The following FMO5 variants were observed in gnomAD, a reference collection of about 807,000 sequenced individuals.
FMO5 encodes the protein flavin-containing monooxygenase 5.
In FMO5, 51 loss-of-function variants were observed where a neutral mutation model predicts 43.6. That is an observed-to-expected ratio of 1.17 (90% CI 0.93 to 1.48). The LOEUF (loss-of-function observed/expected upper bound fraction) is 1.48. Ranked by LOEUF, FMO5 falls within the 40% of genes most tolerant of loss-of-function variation. The pLI is 0.00. For missense variants in FMO5, 644 were observed against 643.0 expected (o/e 1.00, Z -0.02); for synonymous variants, 187 against 216.5 (o/e 0.86, Z 1.20).
At chr1:147,204,306 G>T in intron 6 of FMO5, 1 of 962,456 alleles carries the variant, frequency 1.0e-6, no homozygotes, top group Non-Finnish European at 1.7e-6. Context: ...TGATACCACA[G>T]CCCAGAATTT....
downstream of FMO5, chr1:147,184,606 G>A: frequency 1.3e-6 from 2 of 1,547,588 alleles, no homozygotes; most frequent in Non-Finnish European, 1.7e-6. This position sits in a 1 kb window ranked among gnomAD's most constrained non-coding sequence, Gnocchi z 4.4. Context: ...ACTTGGGTTT[G>A]TCTGATGTTT....
Position 147,190,237 on chromosome 1 carries a change from A to G in FMO5, c.1196T>C (p.Leu399Ser). ...ATQVFKGLKTLPSQSEMMAEI... is the reference protein window; with the variant it reads ...ATQVFKGLKTSPSQSEMMAEI... ...TGCCATCATTTCACTCTGTGAGGGC[A>G]ATGTCTTTAGACCTAAAAACAAAAA... Residue 399 changes from leucine to serine, a missense_variant, in exon 8 of 9, where the codon TTG (leucine) becomes TCG (serine). Coordinates refer to ENST00000254090, the MANE Select transcript of FMO5 (RefSeq NM_001461.4). The G allele has an allele frequency of 6.2e-7, 1 of 1,609,216 alleles. No homozygotes were observed. Among genetic ancestry groups the G allele is most frequent in the South Asian group, 1.1e-5 (1 of 90,584 alleles).
chr1:147,215,975 G>C (rs368702149), intron 2 of FMO5, 33 bp from the exon 3 acceptor site: 1 of 1,511,984 alleles, frequency 6.6e-7, no homozygotes, highest in South Asian at 1.2e-5. Context: ...ATAGCAACTT[G>C]AGGATCATCT....
intron 8 of FMO5, among the ~76,000 whole-genome samples, chr1:147,189,714 A>T (rs1656320147): frequency 6.6e-6 from 1 of 152,170 alleles, no homozygotes; most frequent in Non-Finnish European, 1.5e-5. Flanking sequence ...ACCATGAGCC[A>T]CTGTGACTTG....
At chr1:147,219,825 T>C (rs1553925863) in intron 2 of FMO5, among the ~76,000 whole-genome samples, 1 of 143,526 alleles carries the variant, frequency 7.0e-6, no homozygotes, top group African/African-American at 2.6e-5. Context: ...ATGGTTAACA[T>C]ACAAATGTTA....
chr1:147,199,109 C>G (rs1157303832), intron 7 of FMO5, among the ~76,000 whole-genome samples: 1 of 151,900 alleles, frequency 6.6e-6, no homozygotes, highest in Non-Finnish European at 1.5e-5. Flanking sequence ...ATTCAGTGTT[C>G]TAGAAAAGAG....
At chr1:147,193,346 G>A (rs1342283388) in intron 7 of FMO5, among the ~76,000 whole-genome samples, 3 of 151,906 alleles carry the variant, frequency 2.0e-5, no homozygotes, top group Non-Finnish European at 4.4e-5. Flanking sequence ...CTGTGGGATC[G>A]GTGGTGATAT....
chr1:147,204,900 G>A lies in FMO5; in HGVS notation c.831-3396C>T, dbSNP rs191979800. Reference sequence around the variant, plus strand: ...TCGCTCCCTCCTTGAGCATCTGGGCGAAGCCCGGAGCCTTGGGAACTTGAA... The same window carrying A: ...TCGCTCCCTCCTTGAGCATCTGGGCAAAGCCCGGAGCCTTGGGAACTTGAA... On this transcript the variant is annotated intron_variant, in intron 6 of 8. Transcript: ENST00000254090. 86 of 1,580,254 alleles carry A rather than the reference G, an allele frequency of 5.4e-5. 1 individual carries two copies. The East Asian group carries it at 1.1e-3, about 21-fold the overall frequency.
chr1:147,198,694 C>T (rs587608282), intron 7 of FMO5, among the ~76,000 whole-genome samples: 1 of 151,352 alleles, frequency 6.6e-6, no homozygotes, highest in Non-Finnish European at 1.5e-5. Flanking sequence ...ATTAAAAACA[C>T]AAAAAAACTA....
Position 147,186,658 on chromosome 1 carries a change from T to C in FMO5, c.*242A>G. On this transcript the variant is annotated 3_prime_UTR_variant, in exon 9 of 9. Transcript: ENST00000254090. ...ATACAAAGATGACTAAAAGAGTACC[T>C]GAGCTCCCAGTCTAGGGATTACCAC... 7.8e-7 allele frequency: 1 copy of C among 1,276,860 alleles called. No homozygotes were observed. Among genetic ancestry groups the C allele is most frequent in the Non-Finnish European group, 9.9e-7 (1 of 1,006,670 alleles). 79.1% of individuals were successfully genotyped at this position (1,276,860 alleles called of 1,614,324 possible).
chr1:147,198,675 C>G (rs1253644987), intron 7 of FMO5, among the ~76,000 whole-genome samples: 2 of 151,460 alleles, frequency 1.3e-5, no homozygotes, highest in African/African-American at 4.9e-5. Flanking sequence ...ATGGTGAAAC[C>G]CCGTCTGTAT....
chr1:147,192,273 A>G (rs1393992047), intron 7 of FMO5, among the ~76,000 whole-genome samples: 1 of 152,012 alleles, frequency 6.6e-6, no homozygotes, highest in Non-Finnish European at 1.5e-5. Context: ...CTTTGAAGCA[A>G]TTGTGAATGG....
intron 2 of FMO5, among the ~76,000 whole-genome samples, chr1:147,218,452 G>A (rs1040427921): frequency 2.0e-5 from 3 of 151,880 alleles, no homozygotes; most frequent in Admixed American, 1.3e-4. Context: ...TAGCCAGGCT[G>A]GACTCGATCT....
At chr1:147,220,538 T>G (rs1330916280) in intron 2 of FMO5, among the ~76,000 whole-genome samples, 2 of 152,086 alleles carry the variant, frequency 1.3e-5, no homozygotes, top group Non-Finnish European at 2.9e-5. Context: ...TTCCAAAGAG[T>G]ATAGTATGGC....
intron 7 of FMO5, among the ~76,000 whole-genome samples, chr1:147,194,867 C>T (rs1409482094): frequency 1.1e-4 from 17 of 152,022 alleles, no homozygotes; most frequent in African/African-American, 3.1e-4. Context: ...GAGTTACTGC[C>T]GAGAGATCTG....
intron 6 of FMO5, among the ~76,000 whole-genome samples, chr1:147,202,231 G>A (rs142185156): frequency 1.2e-3 from 180 of 150,376 alleles, no homozygotes; most frequent in African/African-American, 4.2e-3. Flanking sequence ...TGGTGCAAAA[G>A]TAATTGCTTA....
chr1:147,189,676 A>G (rs1280841134), intron 8 of FMO5, among the ~76,000 whole-genome samples: 2 of 152,140 alleles, frequency 1.3e-5, no homozygotes, highest in African/African-American at 4.8e-5. Flanking sequence ...GGCTGTTACC[A>G]TGTTCCCAAC....
chr1:147,212,502 C>T lies in FMO5; in HGVS notation c.521G>A (p.Ser174Asn), dbSNP rs2101959760. 1 of 1,613,946 alleles carries T rather than the reference C, an allele frequency of 6.2e-7. No individual in the cohort carries two copies. The highest frequency in any genetic ancestry group is 2.2e-5 in the East Asian group (1 of 44,884). ...TCCCTCTGGGTTCTTATAGTCTCGACTGTGGAAGTACTGCCCTTTGAACTT... is the reference window on the plus strand; with the variant it reads ...TCCCTCTGGGTTCTTATAGTCTCGATTGTGGAAGTACTGCCCTTTGAACTT... ...IEKFKGQYFH[S>N]RDYKNPEGFT... The change falls in exon 5 of 9, where the codon AGT becomes AAT. Residue 174 changes from serine (S) to asparagine (N), a missense_variant. Physicochemically the swap from Ser to Asn is conservative, Grantham distance 46. Coordinates refer to ENST00000254090, the MANE Select transcript of FMO5 (RefSeq NM_001461.4).
intron 6 of FMO5, 165 bp downstream of exon 6, chr1:147,208,687 C>T (rs587763238): frequency 1.8e-6 from 1 of 552,386 alleles, no homozygotes; most frequent in African/African-American, 1.9e-5. Flanking sequence ...GATCCACCCG[C>T]CTCCGCCTCC....
Sources: allele counts gnomAD v4.1 joint callset (sites outside exome capture counted in the v4.1 genomes callset), GRCh38; gene constraint gnomAD v4.1.1; non-coding constraint Gnocchi (gnomAD v3.1); transcripts MANE v1.5; gene names NCBI Gene and HGNC (gene_info 2026-07-23, HGNC 2026-07-21).